ZFPM2: variants seen among roughly 807,000 people sequenced by gnomAD.
ZFPM2 encodes zinc finger protein, FOG family member 2, also known as zinc finger protein ZFPM2.
Under a neutral mutation model 98.6 loss-of-function variants are expected in ZFPM2, and 20 were observed. The observed-to-expected ratio is 0.20, with a 90% CI of 0.14 to 0.29. The LOEUF (loss-of-function observed/expected upper bound fraction) is 0.29, where lower values mean the gene tolerates loss of function less well. ZFPM2 is among the 10% of genes least tolerant of loss of function. The probability of loss-of-function intolerance (pLI) is 1.00; values close to 1 mark genes in which losing one functional copy is unlikely to be tolerated. For missense variants in ZFPM2, 1,310 were observed against 1,388.6 expected (o/e 0.94, Z 0.90); for synonymous variants, 518 against 502.7 (o/e 1.03, Z -0.41).
intron 5 of ZFPM2, among the ~76,000 whole-genome samples, chr8:105,722,958 G>A (rs1234089076): frequency 6.6e-6 from 1 of 151,934 alleles, no homozygotes; most frequent in South Asian, 2.1e-4. Context: ...AAACCAAAGT[G>A]GTCTTGAATA....
Position 105,718,647 on chromosome 8 carries a change from G to A in ZFPM2, c.533-70071G>A, listed in dbSNP as rs116261698. Among the ~76,000 whole-genome samples the A allele has an allele frequency of 1.4e-3, 209 of 151,750 alleles. 2 individuals carry two copies. In the East Asian group the frequency reaches 0.023, roughly 17 times the overall value. On this transcript the variant is annotated intron_variant, in intron 5 of 7. Transcript: ENST00000407775. ...GGTGTTAATAAATATGACACAATAC[G>A]CATTTTTTTTTCTTTTTAAACACAT...
chr8:105,585,734 CAT>C (rs1201119335), intron 4 of ZFPM2, among the ~76,000 whole-genome samples: 1 of 151,888 alleles, frequency 6.6e-6, no homozygotes, highest in Admixed American at 6.6e-5. Context: ...TAGTACCTAA[CAT>C]GTGGGAGGAT....
chr8:105,395,095 A>G (rs1263973115), intron 1 of ZFPM2, among the ~76,000 whole-genome samples: 3 of 152,138 alleles, frequency 2.0e-5, no homozygotes, highest in Non-Finnish European at 4.4e-5. Context: ...TACAGCCCCT[A>G]CATATCTCCA....
chr8:105,319,757 G>A (rs1244825233), intron 1 of ZFPM2: 1 of 152,282 alleles, frequency 6.6e-6, no homozygotes, highest in African/African-American at 2.4e-5. Flanking sequence ...CGGAAGCTGT[G>A]AGTTCAAGGC....
chr8:105,500,104 G>C lies in ZFPM2; in HGVS notation c.301+55723G>C, dbSNP rs925117892. On this transcript the variant is annotated intron_variant, in intron 3 of 7. Coordinates refer to ENST00000407775, the MANE Select transcript of ZFPM2 (RefSeq NM_012082.4). ...TTCCAAATTATAATTTTCATAAGCT[G>C]TTTTCTGTACATTAGTGGCTAAATA... Among the ~76,000 whole-genome samples the C allele has an allele frequency of 2.6e-5, 4 of 152,070 alleles. No homozygotes were observed. The South Asian group carries it at 8.3e-4, about 31-fold the overall frequency.
chr8:105,363,133 G>A (rs1335178419), intron 1 of ZFPM2, among the ~76,000 whole-genome samples: 1 of 152,082 alleles, frequency 6.6e-6, no homozygotes, highest in Admixed American at 6.6e-5. Flanking sequence ...CATGAATATT[G>A]CATGTTTCAT....
intron 3 of ZFPM2, among the ~76,000 whole-genome samples, chr8:105,513,100 T>A (rs1449060446): frequency 6.6e-6 from 1 of 152,164 alleles, no homozygotes; most frequent in Non-Finnish European, 1.5e-5. Context: ...TTAGCTCTTG[T>A]GTTTGTTGTT....
At chr8:105,399,400 T>C (rs1811290241) in intron 1 of ZFPM2, among the ~76,000 whole-genome samples, 1 of 152,130 alleles carries the variant, frequency 6.6e-6, no homozygotes, top group Admixed American at 6.5e-5. Flanking sequence ...GGGTTATGTT[T>C]CGGAGGTAGA....
intron 1 of ZFPM2, among the ~76,000 whole-genome samples, chr8:105,371,170 G>A (rs1439787900): frequency 6.6e-6 from 1 of 152,164 alleles, no homozygotes; most frequent in Non-Finnish European, 1.5e-5. Context: ...CTCTGTGTGT[G>A]TGTGAACCCA....
At chr8:105,704,578 T>C (rs964241555) in intron 5 of ZFPM2, among the ~76,000 whole-genome samples, 1 of 152,202 alleles carries the variant, frequency 6.6e-6, no homozygotes, top group African/African-American at 2.4e-5. Flanking sequence ...ATGTGGGCGA[T>C]TCAAGCTAGC....
intron 1 of ZFPM2, among the ~76,000 whole-genome samples, chr8:105,383,103 G>C (rs1486495068): frequency 6.6e-6 from 1 of 152,116 alleles, no homozygotes; most frequent in African/African-American, 2.4e-5. Flanking sequence ...GCCTGGGGTT[G>C]GGCTTTGCCT....
chr8:105,696,386 ACT>A (rs1811020473), intron 5 of ZFPM2, among the ~76,000 whole-genome samples: 1 of 151,828 alleles, frequency 6.6e-6, no homozygotes, highest in Admixed American at 6.6e-5. Flanking sequence ...ATAAAGTGTG[ACT>A]CTCATTCAAC....
At chr8:105,784,102 A>T (rs1813341410) in intron 5 of ZFPM2, among the ~76,000 whole-genome samples, 1 of 152,136 alleles carries the variant, frequency 6.6e-6, no homozygotes, top group African/African-American at 2.4e-5. Context: ...ATTAAACATA[A>T]GGTCAAAGGG....
At chr8:105,734,479 A>G (rs892326726) in intron 5 of ZFPM2, among the ~76,000 whole-genome samples, 1 of 151,958 alleles carries the variant, frequency 6.6e-6, no homozygotes, top group Non-Finnish European at 1.5e-5. Flanking sequence ...CTGTCTGCAG[A>G]GAAATATTCA....
In ZFPM2 at chr8:105,419,040, A is replaced by G; in HGVS notation, c.41-104A>G. On this transcript the variant is annotated intron_variant, in intron 1 of 7. Transcript: ENST00000407775. The stretch of plus-strand genomic sequence containing the variant: ...CCCTTGGTGGTACTACTTAGAGTAT[A>G]TTATTTTTCTCACCACTGTAACAAA... 5.9e-6 allele frequency: 6 copies of G among 1,017,818 alleles called. No homozygotes were observed. In the South Asian group the frequency reaches 9.8e-5, roughly 17 times the overall value. The allele number at this position is 1,017,818 out of a possible 1,614,324, so 63.0% of individuals were successfully genotyped here.
chr8:105,384,888 G>A (rs6999452), intron 1 of ZFPM2, among the ~76,000 whole-genome samples: 84,216 of 151,928 alleles, frequency 0.55, 23,546 homozygotes, highest in Middle Eastern at 0.6. Flanking sequence ...TATAACAGCA[G>A]AAATGAATAC....
rs1813334011 is a variant in ZFPM2, at chr8:105,490,349, TA to T, written c.301+45971del. Among the ~76,000 whole-genome samples, 3 of 152,240 alleles carry T rather than the reference TA, an allele frequency of 2.0e-5. No individual in the cohort carries two copies. The South Asian group carries it at 6.2e-4, about 31-fold the overall frequency. ...TAAACTGAGATGGTGTTATCTTTTA[TA>T]AACTACTTTCTGGTAAAAGCTTTCC... On this transcript the variant is annotated intron_variant, in intron 3 of 7. Transcript: ENST00000407775.
chr8:105,486,781 A>C (rs1000635911), intron 3 of ZFPM2, among the ~76,000 whole-genome samples: 2 of 152,196 alleles, frequency 1.3e-5, no homozygotes, highest in Admixed American at 6.5e-5. Context: ...TGCAATGAAA[A>C]ATATGTTTGT....
chr8:105,784,376 T>C (rs1813350620), intron 5 of ZFPM2, among the ~76,000 whole-genome samples: 1 of 128,588 alleles, frequency 7.8e-6, no homozygotes, highest in Admixed American at 7.2e-5. Flanking sequence ...ATTCTTCTTT[T>C]CTAAAATGAG....
Sources: allele counts gnomAD v4.1 joint callset (sites outside exome capture counted in the v4.1 genomes callset), GRCh38; gene constraint gnomAD v4.1.1; transcripts MANE v1.5; gene names NCBI Gene and HGNC (gene_info 2026-07-23, HGNC 2026-07-21).